The following HMGCLL1 variants were observed in gnomAD, a reference collection of about 807,000 sequenced individuals.
The protein encoded by HMGCLL1 is 3-hydroxymethyl-3-methylglutaryl-CoA lyase, cytoplasmic.
In HMGCLL1, 36 loss-of-function variants were observed where a neutral mutation model predicts 39.1. That is an observed-to-expected ratio of 0.92 (90% CI 0.71 to 1.22). The LOEUF (loss-of-function observed/expected upper bound fraction) is 1.22. HMGCLL1 is among the 50% of genes most tolerant of loss of function. The pLI is 0.00. For missense variants in HMGCLL1, 451 were observed against 416.5 expected (o/e 1.08, Z -0.72); for synonymous variants, 149 against 144.0 (o/e 1.03, Z -0.25).
the HMGCLL1 span, among the ~76,000 whole-genome samples, chr6:55,665,581 C>G: frequency 6.6e-6 from 1 of 151,700 alleles, no homozygotes; most frequent in Non-Finnish European, 1.5e-5. Flanking sequence ...CTTCCCCACC[C>G]CACAACTGTC....
the HMGCLL1 span, among the ~76,000 whole-genome samples, chr6:55,584,484 C>T: frequency 6.6e-6 from 1 of 152,144 alleles, no homozygotes; most frequent in Non-Finnish European, 1.5e-5. Flanking sequence ...CAATAAATTA[C>T]TACCATATAA....
At chr6:55,575,548 T>C (rs1011803015) in intron 1 of HMGCLL1, among the ~76,000 whole-genome samples, 1 of 152,158 alleles carries the variant, frequency 6.6e-6, no homozygotes, top group African/African-American at 2.4e-5. Flanking sequence ...CAATATTCTA[T>C]TGCACACACA....
intron 3 of HMGCLL1, among the ~76,000 whole-genome samples, chr6:55,517,525 G>T (rs1024494073): frequency 1.3e-5 from 2 of 152,042 alleles, no homozygotes; most frequent in East Asian, 3.9e-4. Context: ...CCTCAATATA[G>T]AAATGCAGAA....
intron 1 of HMGCLL1, among the ~76,000 whole-genome samples, chr6:55,575,142 T>C (rs907333294): frequency 6.6e-6 from 1 of 152,056 alleles, no homozygotes; most frequent in African/African-American, 2.4e-5. Context: ...AGCTTCATTA[T>C]ACTCTTTTTA....
chr6:55,564,964 T>G (rs995367122), intron 1 of HMGCLL1, among the ~76,000 whole-genome samples: 1 of 152,090 alleles, frequency 6.6e-6, no homozygotes, highest in African/African-American at 2.4e-5. Flanking sequence ...CATGAATTAA[T>G]GATAGAAGTT....
intron 1 of HMGCLL1, among the ~76,000 whole-genome samples, chr6:55,549,442 T>G (rs1581935478): frequency 6.6e-6 from 1 of 151,234 alleles, no homozygotes; most frequent in African/African-American, 2.4e-5. Context: ...TTTTCTGGGA[T>G]AAAATTGTGA....
At chr6:55,612,365 A>G in the HMGCLL1 span, among the ~76,000 whole-genome samples, 1 of 152,224 alleles carries the variant, frequency 6.6e-6, no homozygotes, top group Non-Finnish European at 1.5e-5. Context: ...GAAAATGGCC[A>G]TACTGTCCAA....
At chr6:55,486,760 G>T (rs537729309) in intron 7 of HMGCLL1, among the ~76,000 whole-genome samples, 1 of 152,138 alleles carries the variant, frequency 6.6e-6, no homozygotes, top group Admixed American at 6.6e-5. Context: ...AGTTTGGGCT[G>T]CTATAACAAA....
intron 1 of HMGCLL1, among the ~76,000 whole-genome samples, chr6:55,552,635 TTTTG>T (rs1168171850): frequency 2.0e-5 from 3 of 151,976 alleles, no homozygotes; most frequent in Non-Finnish European, 2.9e-5. Context: ...GAAAATTATT[TTTTG>T]TTTATTTATT....
chr6:55,488,362 T>C (rs1311577785), intron 7 of HMGCLL1, among the ~76,000 whole-genome samples: 1 of 152,090 alleles, frequency 6.6e-6, no homozygotes, highest in African/African-American at 2.4e-5. Context: ...TACATACAAC[T>C]TCCTGACTAT....
intron 1 of HMGCLL1, among the ~76,000 whole-genome samples, chr6:55,573,228 G>A (rs376182640): frequency 9.9e-4 from 151 of 152,204 alleles, no homozygotes; most frequent in African/African-American, 3.3e-3. Flanking sequence ...TTATCTCTAC[G>A]CTTATTGTTT....
intron 1 of HMGCLL1, among the ~76,000 whole-genome samples, chr6:55,577,344 T>A (rs1261280773): frequency 6.8e-6 from 1 of 146,108 alleles, no homozygotes. Context: ...AGGGCTGGAC[T>A]AAAAAAAAAA....
intron 7 of HMGCLL1, among the ~76,000 whole-genome samples, chr6:55,487,268 A>T (rs192444165): frequency 1.8e-4 from 28 of 152,050 alleles, no homozygotes; most frequent in African/African-American, 6.5e-4. Flanking sequence ...TCAATCTAGT[A>T]AAAAGTTTGT....
At chr6:55,635,498 G>T in the HMGCLL1 span, among the ~76,000 whole-genome samples, 1 of 152,082 alleles carries the variant, frequency 6.6e-6, no homozygotes. Flanking sequence ...AGTTTCATAT[G>T]TATTATATTT....
At chr6:55,613,246 A>G in the HMGCLL1 span, among the ~76,000 whole-genome samples, 7 of 152,222 alleles carry the variant, frequency 4.6e-5, no homozygotes, top group Non-Finnish European at 1.0e-4. Context: ...ACAATGAGAT[A>G]CCATCTCACA....
upstream of HMGCLL1, chr6:55,579,258 G>A: frequency 5.1e-6 from 3 of 592,346 alleles, no homozygotes; most frequent in South Asian, 4.0e-5. Context: ...GGGGCAGCGG[G>A]TGCACGGGGC....
At chr6:55,562,965 CAAT>C (rs1292425515) in intron 1 of HMGCLL1, among the ~76,000 whole-genome samples, 2 of 151,924 alleles carry the variant, frequency 1.3e-5, no homozygotes, top group African/African-American at 4.8e-5. Flanking sequence ...ATTTACCCAA[CAAT>C]AGTAAATATG....
chr6:55,513,187 C>G (rs1039145878), intron 5 of HMGCLL1: 1 of 152,104 alleles, frequency 6.6e-6, no homozygotes, highest in African/African-American at 2.4e-5. Context: ...ATAGTGAACT[C>G]AGTGACAAAA....
At chr6:55,648,214 G>A in the HMGCLL1 span, among the ~76,000 whole-genome samples, 7 of 148,678 alleles carry the variant, frequency 4.7e-5, no homozygotes, top group Non-Finnish European at 8.9e-5. Flanking sequence ...ATTGTGAATA[G>A]TGCCGCAATA....
Sources: gnomAD v4.1 joint callset for allele counts (sites outside exome capture counted in the v4.1 genomes callset) on GRCh38, gnomAD v4.1.1 for gene constraint, MANE v1.5 for transcripts, NCBI Gene and HGNC (gene_info 2026-07-23, HGNC 2026-07-21) for gene names.